DNAL1: variants seen among roughly 807,000 people sequenced by gnomAD.
The protein encoded by DNAL1 is dynein axonemal light chain 1.
Under a neutral mutation model 29.4 loss-of-function variants are expected in DNAL1, and 17 were observed. The observed-to-expected ratio is 0.58, with a 90% CI of 0.40 to 0.87. The LOEUF (loss-of-function observed/expected upper bound fraction) is 0.87. DNAL1 is among the 40% of genes least tolerant of loss of function. The probability of loss-of-function intolerance (pLI) is 0.00; values close to 1 mark genes in which losing one functional copy is unlikely to be tolerated. For synonymous variants in DNAL1, 78 were observed against 76.3 expected (o/e 1.02, Z -0.12); for missense variants, 188 against 214.1 (o/e 0.88, Z 0.76).
chr14:73,669,789 G>A (rs1334353251), intron 4 of DNAL1, among the ~76,000 whole-genome samples: 3 of 152,048 alleles, frequency 2.0e-5, no homozygotes, highest in Admixed American at 6.6e-5. Flanking sequence ...CTAGGGATTA[G>A]GATTTAAAGA....
At chr14:73,690,462 G>A (rs1892144647) in intron 7 of DNAL1, among the ~76,000 whole-genome samples, 1 of 152,014 alleles carries the variant, frequency 6.6e-6, no homozygotes, top group African/African-American at 2.4e-5. Flanking sequence ...AGACCAGCCT[G>A]ACCAACATGG....
At chr14:73,649,361 CA>C (rs1891060856) in intron 1 of DNAL1, among the ~76,000 whole-genome samples, 1 of 151,640 alleles carries the variant, frequency 6.6e-6, no homozygotes, top group South Asian at 2.1e-4. Flanking sequence ...CGGCTCACGG[CA>C]AGCTCCGCCT....
intron 5 of DNAL1, among the ~76,000 whole-genome samples, chr14:73,677,472 T>C (rs1389473504): frequency 6.6e-6 from 1 of 151,210 alleles, no homozygotes; most frequent in Non-Finnish European, 1.5e-5. Context: ...GCAAGTACCG[T>C]GTTGTTTTAA....
chr14:73,687,172 T>A (rs948772966), intron 5 of DNAL1, 87 bp from the exon 6 acceptor site: 12 of 1,516,222 alleles, frequency 7.9e-6, no homozygotes, highest in Non-Finnish European at 1.1e-5. Flanking sequence ...AAGTTCACTT[T>A]GGAAGCCATT....
chr14:73,657,324 T>C (rs1342283895), intron 2 of DNAL1, among the ~76,000 whole-genome samples: 2 of 152,158 alleles, frequency 1.3e-5, no homozygotes, highest in African/African-American at 4.8e-5. Flanking sequence ...TGGACCACAG[T>C]CGTGTGCCAC....
Position 73,702,694 on chromosome 14 carries a change from T to TAA in DNAL1, c.*6753_*6754insAA, listed in dbSNP as rs1296973848. 2 of 152,216 alleles carry TAA rather than the reference T, an allele frequency of 1.3e-5. No individual in the cohort carries two copies. The highest frequency in any genetic ancestry group is 4.8e-5 in the African/African-American group (2 of 41,442). 9.4% of individuals were successfully genotyped at this position (152,216 alleles called of 1,614,324 possible). A position where few individuals can be genotyped will look rare whatever the true frequency, so the allele number is the denominator to read the frequency against. On this transcript the variant is annotated 3_prime_UTR_variant, in exon 8 of 8. Coordinates refer to ENST00000553645, the MANE Select transcript of DNAL1 (RefSeq NM_031427.4). ...AATCACCAAGCAATATCCGTAACAT[T>TAA]ACACATTTTGCCAGCACATTTTCTA...
chr14:73,695,632 C>T (rs1161244112), intron 7 of DNAL1, among the ~76,000 whole-genome samples: 1 of 152,020 alleles, frequency 6.6e-6, no homozygotes, highest in African/African-American at 2.4e-5. Context: ...CGGGTTCAAG[C>T]GATTCTCCTG....
At chr14:73,676,923 A>C (rs1292820411) in intron 5 of DNAL1, among the ~76,000 whole-genome samples, 1 of 151,742 alleles carries the variant, frequency 6.6e-6, no homozygotes, top group Non-Finnish European at 1.5e-5. Context: ...ACATGGATGA[A>C]GATTATCCCC....
At chr14:73,659,748 T>A (rs1385263891) in intron 3 of DNAL1, 1 of 151,996 alleles carries the variant, frequency 6.6e-6, no homozygotes, top group Non-Finnish European at 1.5e-5. Flanking sequence ...ACTACATGCC[T>A]AAGAGATACC....
chr14:73,672,285 C>G (rs907323603), intron 5 of DNAL1, among the ~76,000 whole-genome samples: 7 of 152,138 alleles, frequency 4.6e-5, no homozygotes, highest in Non-Finnish European at 8.8e-5. Context: ...TAAAGAGGTA[C>G]TGATGAGTTT....
In DNAL1 at chr14:73,689,484, C is replaced by G. The variant is rs1892114735; in HGVS notation, c.501C>G (p.Thr167=). ...SAENNWIEEA[T]KRVPKLKKLD... ...AGAATAACTGGATTGAAGAAGCAAC[C>G]AAGAGAGTGCCCAAACTGAAAAAGC... is the stretch of plus-strand genomic sequence containing the variant. The change falls in exon 7 of 8, where the codon ACC becomes ACG. Residue 167 remains threonine (T), a synonymous_variant. Transcript: ENST00000553645. The G allele has an allele frequency of 6.3e-7, 1 of 1,585,864 alleles. No individual in the cohort carries two copies. Among genetic ancestry groups the G allele is most frequent in the Non-Finnish European group, 8.6e-7 (1 of 1,165,696 alleles).
chr14:73,689,719 C>T (rs149349624), intron 7 of DNAL1, among the ~76,000 whole-genome samples: 460 of 152,232 alleles, frequency 3.0e-3, no homozygotes, highest in African/African-American at 0.011. Context: ...ACAAGATTCT[C>T]CCTAGACCAA....
intron 2 of DNAL1, among the ~76,000 whole-genome samples, chr14:73,655,267 A>G (rs1456770005): frequency 6.6e-6 from 1 of 152,124 alleles, no homozygotes; most frequent in African/African-American, 2.4e-5. Flanking sequence ...AGATTTAAAT[A>G]TGGAAAGGCC....
chr14:73,654,860 CA>C lies in DNAL1; in HGVS notation c.19del (p.Ile7SerfsTer5). On this transcript the variant is annotated frameshift_variant, in exon 2 of 8. Transcript: ENST00000553645. LOFTEE classifies it high-confidence loss of function. ...TTTTTTTTAAAGGCGAAAGCAACAACAATCAAAGAAGCCTTAGCGAGATGGG... is the reference window on the plus strand; with the variant it reads ...TTTTTTTTAAAGGCGAAAGCAACAACATCAAAGAAGCCTTAGCGAGATGGG... Reference protein sequence around the residue: MAKATTIKEALARWEE... With the variant: MAKATXIKEALARWEE... 1 of 1,522,170 alleles carries C rather than the reference CA, an allele frequency of 6.6e-7. No homozygotes were observed. The highest frequency in any genetic ancestry group is 8.8e-7 in the Non-Finnish European group (1 of 1,137,598). The allele number at this position is 1,522,170 out of a possible 1,614,324, so 94.3% of individuals were successfully genotyped here. A position where few individuals can be genotyped will look rare whatever the true frequency, so the allele number is the denominator to read the frequency against.
chr14:73,658,449 T>A (rs1006011662), intron 2 of DNAL1, among the ~76,000 whole-genome samples: 2 of 152,194 alleles, frequency 1.3e-5, no homozygotes, highest in Non-Finnish European at 1.5e-5. Flanking sequence ...ATGACATTGG[T>A]ATTTTGATAG....
chr14:73,661,334 A>G (rs1430787442), intron 3 of DNAL1, among the ~76,000 whole-genome samples: 1 of 152,144 alleles, frequency 6.6e-6, no homozygotes, highest in East Asian at 1.9e-4. Context: ...TTTTTCTGCT[A>G]TTCCAGTAAT....
At chr14:73,665,004 A>G (rs1053130070) in intron 4 of DNAL1, among the ~76,000 whole-genome samples, 1 of 152,178 alleles carries the variant, frequency 6.6e-6, no homozygotes, top group Non-Finnish European at 1.5e-5. Context: ...ATAATTACCT[A>G]TCATATAATT....
At chr14:73,680,409 G>A (rs1891847480) in intron 5 of DNAL1, among the ~76,000 whole-genome samples, 4 of 152,114 alleles carry the variant, frequency 2.6e-5, no homozygotes, top group Admixed American at 2.6e-4. Flanking sequence ...TGAATCTTAT[G>A]AGAAGACGTA....
intron 6 of DNAL1, 105 bp downstream of exon 6, chr14:73,687,490 A>G (rs1218690724): frequency 7.7e-7 from 1 of 1,298,804 alleles, no homozygotes; most frequent in African/African-American, 1.5e-5. Context: ...AAGCACAGAG[A>G]GAAAGTGGAA....
Sources: gnomAD v4.1 joint callset for allele counts (sites outside exome capture counted in the v4.1 genomes callset) on GRCh38, gnomAD v4.1.1 for gene constraint, MANE v1.5 for transcripts, NCBI Gene and HGNC (gene_info 2026-07-23, HGNC 2026-07-21) for gene names.